Variants in SERGEF observed in about 807,000 individuals in gnomAD.
SERGEF encodes the protein secretion-regulating guanine nucleotide exchange factor.
Under a neutral mutation model 50.0 loss-of-function variants are expected in SERGEF, and 51 were observed. That is an observed-to-expected ratio of 1.02 (90% CI 0.81 to 1.29). The LOEUF (loss-of-function observed/expected upper bound fraction) is 1.29. Among genes scored for constraint, SERGEF ranks in the 50% most tolerant of loss-of-function variants. The pLI, the probability that SERGEF is intolerant of heterozygous loss-of-function variation, is 0.00. For missense variants in SERGEF, 521 were observed against 557.0 expected (o/e 0.94, Z 0.65); for synonymous variants, 205 against 212.4 (o/e 0.97, Z 0.30).
rs369782529 is a variant in SERGEF, at chr11:17,978,583, G to C, written c.844+10014C>G. Among the ~76,000 whole-genome samples, 12 of 152,344 alleles carry C rather than the reference G, an allele frequency of 7.9e-5. No homozygotes were observed. The East Asian group carries it at 1.5e-3, about 20-fold the overall frequency. ...GGCAGACAGTTAACTGCCACTGCCA[G>C]GTCCTCTCCCACAGCTGGCTCACTG... is the stretch of plus-strand genomic sequence containing the variant. On this transcript the variant is annotated intron_variant, in intron 8 of 10. Coordinates refer to ENST00000265965, the MANE Select transcript of SERGEF (RefSeq NM_012139.4).
At chr11:17,812,862 C>A (rs1394779108) in intron 10 of SERGEF, among the ~76,000 whole-genome samples, 4 of 152,152 alleles carry the variant, frequency 2.6e-5, no homozygotes, top group Non-Finnish European at 1.5e-5. Context: ...AGCTGGAGAC[C>A]AACCTCCTTC....
At chr11:17,797,790 A>C (rs1849596280) in intron 10 of SERGEF, among the ~76,000 whole-genome samples, 1 of 152,206 alleles carries the variant, frequency 6.6e-6, no homozygotes, top group Non-Finnish European at 1.5e-5. Flanking sequence ...GAGGGCCAAA[A>C]GGGAACCCAT....
In SERGEF at chr11:17,872,344, T is replaced by C. The variant is rs1333022943; in HGVS notation, c.1048+5864A>G. ...TGGTGTTTTCTTAAGTACATACATA[T>C]GTAAAAATTCATCATCTGAACCCTT... On this transcript the variant is annotated intron_variant, in intron 10 of 10. Transcript: ENST00000265965. Among the ~76,000 whole-genome samples, 11 of 152,186 alleles carry C rather than the reference T, an allele frequency of 7.2e-5. No homozygotes were observed. In the South Asian group the frequency reaches 2.3e-3, roughly 32 times the overall value.
chr11:18,006,757 T>G lies in SERGEF; in HGVS notation c.197-11A>C. 1.9e-6 allele frequency: 3 copies of G among 1,613,928 alleles called. No homozygotes were observed. The highest frequency in any genetic ancestry group is 2.5e-6 in the Non-Finnish European group (3 of 1,179,940). On this transcript the variant is annotated splice_polypyrimidine_tract_variant and intron_variant, in intron 2 of 10. Coordinates refer to ENST00000265965, the MANE Select transcript of SERGEF (RefSeq NM_012139.4). ...AGAGGTCTCCTCCATCTGCAAAATA[T>G]AAAGGCATCAGTGATAGCGTGCACA... is the stretch of plus-strand genomic sequence containing the variant.
chr11:18,005,082 A>G (rs1854046680), intron 3 of SERGEF, among the ~76,000 whole-genome samples: 3 of 152,224 alleles, frequency 2.0e-5, no homozygotes, highest in African/African-American at 7.2e-5. Flanking sequence ...CACTGGCCTC[A>G]TAATTAATAC....
intron 5 of SERGEF, chr11:17,999,566 T>C (rs772053382): frequency 6.6e-6 from 3 of 456,264 alleles, no homozygotes; most frequent in Non-Finnish European, 1.3e-5. Flanking sequence ...AGCCAATTAG[T>C]GCTGTCCTTC....
intron 10 of SERGEF, among the ~76,000 whole-genome samples, chr11:17,877,197 G>A (rs899631444): frequency 2.8e-4 from 43 of 152,210 alleles, no homozygotes; most frequent in Non-Finnish European, 5.0e-4. Flanking sequence ...TTAGAAGCTA[G>A]GAGACAGGAG....
intron 8 of SERGEF, among the ~76,000 whole-genome samples, chr11:17,972,052 G>A (rs983541514): frequency 2.6e-5 from 4 of 152,222 alleles, no homozygotes; most frequent in African/African-American, 4.8e-5. Context: ...CTGAGTTGCT[G>A]CAATCTCATG....
chr11:17,818,329 A>AAATATATTTTCCTTTTT (rs1402631170), intron 10 of SERGEF, among the ~76,000 whole-genome samples: 1 of 152,242 alleles, frequency 6.6e-6, no homozygotes, highest in African/African-American at 2.4e-5. Flanking sequence ...GAAAACAAGC[A>AAATATATTTTCCTTTTT]AATATATTTT....
intron 10 of SERGEF, among the ~76,000 whole-genome samples, chr11:17,869,846 T>C (rs537198362): frequency 2.0e-5 from 3 of 152,310 alleles, no homozygotes; most frequent in East Asian, 1.9e-4. Flanking sequence ...TTTTGTTACA[T>C]GGCAAGGGGA....
intron 10 of SERGEF, among the ~76,000 whole-genome samples, chr11:17,843,455 G>A (rs992191336): frequency 2.0e-5 from 3 of 152,208 alleles, no homozygotes; most frequent in South Asian, 2.1e-4. Flanking sequence ...TTACAATCAA[G>A]GAAACTGTAG....
At chr11:17,907,188 C>T (rs1052849448) in intron 9 of SERGEF, among the ~76,000 whole-genome samples, 1 of 140,848 alleles carries the variant, frequency 7.1e-6, no homozygotes, top group Non-Finnish European at 1.5e-5. Flanking sequence ...AAAAAATGTA[C>T]TTTCATCAGA....
chr11:17,794,642 C>T lies in SERGEF; in HGVS notation c.1049-6229G>A, dbSNP rs568717062. Among the ~76,000 whole-genome samples, 76 of 152,240 alleles carry T rather than the reference C, an allele frequency of 5.0e-4. 1 individual carries two copies. The highest frequency in any genetic ancestry group is 1.7e-3 in the African/African-American group (72 of 41,532). On this transcript the variant is annotated intron_variant, in intron 10 of 10. Transcript: ENST00000265965. ...AAGCACTTTGCAAATATTCATTCAC[C>T]GAATCCTCACAACAAACTTGTGAAG... is the stretch of plus-strand genomic sequence containing the variant.
intron 8 of SERGEF, among the ~76,000 whole-genome samples, chr11:17,984,183 T>C (rs1460232189): frequency 6.6e-6 from 1 of 152,200 alleles, no homozygotes; most frequent in East Asian, 1.9e-4. Flanking sequence ...ATATTAGTCA[T>C]TCTCACACTC....
intron 10 of SERGEF, among the ~76,000 whole-genome samples, chr11:17,806,599 GAC>G (rs1849760791): frequency 6.6e-6 from 1 of 152,186 alleles, no homozygotes; most frequent in African/African-American, 2.4e-5. Flanking sequence ...ATTGCTGGGT[GAC>G]CTTAGGCAAG....
intron 6 of SERGEF, among the ~76,000 whole-genome samples, chr11:17,993,792 G>C (rs1361942734): frequency 6.6e-6 from 1 of 152,130 alleles, no homozygotes; most frequent in Non-Finnish European, 1.5e-5. Context: ...GGCCCCTAAT[G>C]GCCAGGTGAG....
At chr11:17,992,837 A>C (rs1853745543) in intron 7 of SERGEF, 94 bp downstream of exon 7, 2 of 1,109,798 alleles carry the variant, frequency 1.8e-6, no homozygotes, top group Non-Finnish European at 2.7e-6. Context: ...TCCAAAGTCT[A>C]TGACATTCCC....
At chr11:17,905,777 T>C (rs1347680845) in intron 9 of SERGEF, among the ~76,000 whole-genome samples, 1 of 152,132 alleles carries the variant, frequency 6.6e-6, no homozygotes, top group Non-Finnish European at 1.5e-5. Flanking sequence ...CTCTGGTCCT[T>C]TCCTCTCTGT....
At chr11:17,922,746 T>C (rs1353851140) in intron 9 of SERGEF, among the ~76,000 whole-genome samples, 2 of 152,206 alleles carry the variant, frequency 1.3e-5, no homozygotes, top group African/African-American at 4.8e-5. Context: ...AGTTTCCCCA[T>C]TCATAAATGT....
Sources: allele counts gnomAD v4.1 joint callset (sites outside exome capture counted in the v4.1 genomes callset), GRCh38; gene constraint gnomAD v4.1.1; transcripts MANE v1.5; gene names NCBI Gene and HGNC (gene_info 2026-07-23, HGNC 2026-07-21).